Variants in DNAAF11 observed in about 807,000 individuals in gnomAD.
DNAAF11 encodes dynein axonemal assembly factor 11.
A neutral mutation model predicts 60.8 loss-of-function variants in DNAAF11; 45 were observed. The observed-to-expected ratio is 0.74, with a 90% CI of 0.58 to 0.95. DNAAF11 has a LOEUF of 0.95. Among genes scored for constraint, DNAAF11 ranks in the 40% least tolerant of loss-of-function variants. The pLI is 0.00. For synonymous variants in DNAAF11, 191 were observed against 183.5 expected (o/e 1.04, Z -0.33); for missense variants, 546 against 546.2 (o/e 1.00, Z 0.00).
intron 10 of DNAAF11, among the ~76,000 whole-genome samples, chr8:132,600,853 A>G (rs896178126): frequency 6.6e-6 from 1 of 152,246 alleles, no homozygotes; most frequent in Admixed American, 6.5e-5. Flanking sequence ...CATTCAGGAC[A>G]TAGGCATGGG....
Position 132,641,586 on chromosome 8 carries a change from G to A in DNAAF11, c.257-3479C>T, listed in dbSNP as rs973633583. Among the ~76,000 whole-genome samples the A allele has an allele frequency of 3.3e-5, 5 of 152,270 alleles. No homozygotes were observed. In the East Asian group the frequency reaches 9.6e-4, roughly 29 times the overall value. On this transcript the variant is annotated intron_variant, in intron 3 of 11. Transcript: ENST00000620350. ...AGAATGAGGGAGAAAGACAAAGAAG[G>A]AAAATGGGTAAGTGCAGCAGATAAG...
chr8:132,679,066 G>C (rs529703549), upstream of DNAAF11, among the ~76,000 whole-genome samples: 24,852 of 152,136 alleles, frequency 0.16, 5,693 homozygotes, highest in African/African-American at 0.52. Flanking sequence ...TAACCCTCAA[G>C]CAGGTCATAT....
rs1006742494 is a variant in DNAAF11, at chr8:132,592,643, G to T, written c.1141-8864C>A. Among the ~76,000 whole-genome samples the T allele has an allele frequency of 3.3e-5, 5 of 152,106 alleles. No individual in the cohort carries two copies. The South Asian group carries it at 8.3e-4, about 25-fold the overall frequency. On this transcript the variant is annotated intron_variant, in intron 10 of 11. Coordinates refer to ENST00000620350, the MANE Select transcript of DNAAF11 (RefSeq NM_012472.6). The stretch of plus-strand genomic sequence containing the variant: ...CACCATAAAGTCTGCATTTTTGGAA[G>T]GTTGCTGGAAAGCAAAGTATATATT...
chr8:132,575,649 G>A (rs1452060952), intron 11 of DNAAF11, among the ~76,000 whole-genome samples: 1 of 152,200 alleles, frequency 6.6e-6, no homozygotes, highest in Non-Finnish European at 1.5e-5. Context: ...GAATCATAGA[G>A]TAAGGGAACT....
At chr8:132,620,335 T>C (rs1819625400) in intron 7 of DNAAF11, among the ~76,000 whole-genome samples, 1 of 152,168 alleles carries the variant, frequency 6.6e-6, no homozygotes. Context: ...GATTTCATTT[T>C]TCTTTTCCTT....
At position 132,572,258 on chromosome 8, in the gene DNAAF11, A is replaced by G; in HGVS notation, c.*48T>C. On this transcript the variant is annotated 3_prime_UTR_variant, in exon 12 of 12. Coordinates refer to ENST00000620350, the MANE Select transcript of DNAAF11 (RefSeq NM_012472.6). ...TATGCATATGGTCTCTACACCAACC[A>G]AAACTGGACCTGGTGGGTCTCAGCC... The G allele has an allele frequency of 6.4e-7, 1 of 1,569,928 alleles. No homozygotes were observed.
At chr8:132,658,097 C>T (rs1823760592) in intron 2 of DNAAF11, among the ~76,000 whole-genome samples, 1 of 152,152 alleles carries the variant, frequency 6.6e-6, no homozygotes, top group Non-Finnish European at 1.5e-5. Flanking sequence ...CCTATCACCA[C>T]TAATAGTTAA....
At chr8:132,593,559 A>C (rs1374262311) in intron 10 of DNAAF11, among the ~76,000 whole-genome samples, 1 of 151,350 alleles carries the variant, frequency 6.6e-6, no homozygotes, top group East Asian at 1.9e-4. Flanking sequence ...TTTTGTATGA[A>C]AATTGATAAG....
At chr8:132,619,370 G>A (rs1819529463) in intron 7 of DNAAF11, among the ~76,000 whole-genome samples, 1 of 152,106 alleles carries the variant, frequency 6.6e-6, no homozygotes, top group Non-Finnish European at 1.5e-5. Flanking sequence ...AGTGGGTGCA[G>A]CGCACCAGCA....
intron 1 of DNAAF11, among the ~76,000 whole-genome samples, chr8:132,674,001 AAGG>A (rs1825433081): frequency 6.6e-6 from 1 of 151,166 alleles, no homozygotes; most frequent in African/African-American, 2.4e-5. Context: ...AGCGAAGAAG[AAGG>A]AGAAGGAGAA....
At chr8:132,617,292 C>G (rs902148016) in intron 7 of DNAAF11, among the ~76,000 whole-genome samples, 3 of 151,736 alleles carry the variant, frequency 2.0e-5, no homozygotes, top group Middle Eastern at 3.4e-3. Context: ...TATAGGGCAC[C>G]CAAAAAACAA....
chr8:132,683,053 T>C, the DNAAF11 span, among the ~76,000 whole-genome samples: 2 of 152,166 alleles, frequency 1.3e-5, no homozygotes, highest in Admixed American at 1.3e-4. Context: ...ATTTTAAAAA[T>C]GAGGTTTGGA....
intron 10 of DNAAF11, among the ~76,000 whole-genome samples, chr8:132,594,339 C>A (rs1034711820): frequency 6.6e-6 from 1 of 152,126 alleles, no homozygotes; most frequent in East Asian, 1.9e-4. Context: ...GTAATCAATA[C>A]TGTGATCAAA....
chr8:132,609,344 A>G (rs1281308903), intron 10 of DNAAF11, among the ~76,000 whole-genome samples: 4 of 151,306 alleles, frequency 2.6e-5, no homozygotes, highest in Non-Finnish European at 4.4e-5. Context: ...TTGTCTCGGG[A>G]ATCAAGAAAA....
intron 1 of DNAAF11, among the ~76,000 whole-genome samples, chr8:132,672,931 GTC>G (rs1400205491): frequency 6.6e-6 from 1 of 152,148 alleles, no homozygotes; most frequent in East Asian, 1.9e-4. Flanking sequence ...CTCGAGCACG[GTC>G]TCTCTAAAAC....
At chr8:132,694,250 ATTG>A in the DNAAF11 span, among the ~76,000 whole-genome samples, 12 of 152,324 alleles carry the variant, frequency 7.9e-5, no homozygotes, top group East Asian at 1.9e-3. Context: ...AAAGAAAGGA[ATTG>A]TTGTGGACTC....
At chr8:132,612,672 G>A (rs1270558287) in intron 8 of DNAAF11, among the ~76,000 whole-genome samples, 1 of 152,166 alleles carries the variant, frequency 6.6e-6, no homozygotes, top group Non-Finnish European at 1.5e-5. Context: ...CATGACTGGG[G>A]AGACAGTTAC....
chr8:132,655,868 A>G (rs895877247), intron 3 of DNAAF11, among the ~76,000 whole-genome samples: 1 of 152,210 alleles, frequency 6.6e-6, no homozygotes, highest in African/African-American at 2.4e-5. Flanking sequence ...GTATTAGTGA[A>G]GTTGTGTAGA....
At chr8:132,621,978 T>C (rs1392855487) in intron 7 of DNAAF11, among the ~76,000 whole-genome samples, 1 of 152,158 alleles carries the variant, frequency 6.6e-6, no homozygotes, top group African/African-American at 2.4e-5. Context: ...GAAAATAGGT[T>C]TGAGTAATAA....
Sources: gnomAD v4.1 joint callset for allele counts (sites outside exome capture counted in the v4.1 genomes callset) on GRCh38, gnomAD v4.1.1 for gene constraint, MANE v1.5 for transcripts, NCBI Gene and HGNC (gene_info 2026-07-23, HGNC 2026-07-21) for gene names.